The following DIAPH2 variants were observed in gnomAD, a reference collection of about 807,000 sequenced individuals.
The protein encoded by DIAPH2 is protein diaphanous homolog 2.
DIAPH2 carries 35 observed loss-of-function variants against 92.7 expected under a neutral mutation model. That is an observed-to-expected ratio of 0.38 (90% CI 0.29 to 0.50). The LOEUF (loss-of-function observed/expected upper bound fraction) is 0.50, where lower values mean the gene tolerates loss of function less well. DIAPH2 is among the 20% of genes least tolerant of loss of function. The pLI, the probability that DIAPH2 is intolerant of heterozygous loss-of-function variation, is 0.94. For synonymous variants in DIAPH2, 301 were observed against 280.4 expected, an observed-to-expected ratio of 1.07 and a Z score of -0.73; for missense variants, 701 against 819.5, an observed-to-expected ratio of 0.86 and a Z score of 1.77.
At chrX:97,075,446 G>A (rs1219980625) in intron 19 of DIAPH2, among the ~76,000 whole-genome samples, 185 bp downstream of exon 19, 3 of 111,504 alleles carry the variant, frequency 2.7e-5, no homozygotes, top group Non-Finnish European at 5.7e-5. Context: ...GAAAATCTAG[G>A]TTCTAATTCT....
chrX:96,853,981 A>G (rs2065020948), intron 4 of DIAPH2, among the ~76,000 whole-genome samples: 1 of 111,636 alleles, frequency 9.0e-6, no homozygotes, highest in African/African-American at 3.2e-5. Context: ...TTTGAAATGG[A>G]AAATTGTGCT....
chrX:97,561,389 C>G (rs774764308), intron 26 of DIAPH2, among the ~76,000 whole-genome samples: 9 of 112,451 alleles, frequency 8.0e-5, no homozygotes, highest in African/African-American at 2.9e-4. Context: ...TACTGACAAA[C>G]AGGTGACTGC....
chrX:97,167,941 C>T (rs2067423686), intron 22 of DIAPH2, among the ~76,000 whole-genome samples: 1 of 111,293 alleles, frequency 9.0e-6, no homozygotes, highest in East Asian at 2.8e-4. Flanking sequence ...AAAATTCTTT[C>T]AATTAGTTAT....
chrX:96,739,654 T>A (rs1482136181), intron 3 of DIAPH2, among the ~76,000 whole-genome samples: 1 of 112,073 alleles, frequency 8.9e-6, no homozygotes, highest in Non-Finnish European at 1.9e-5. Context: ...AATAAATATT[T>A]GTTGGTAGCT....
At chrX:96,878,943 A>G (rs1025264567) in intron 4 of DIAPH2, among the ~76,000 whole-genome samples, 6 of 111,789 alleles carry the variant, frequency 5.4e-5, no homozygotes, top group Admixed American at 9.5e-5. Flanking sequence ...AATCTTCAGC[A>G]TGTTGAAACT....
chrX:96,866,479 A>G (rs1010682858), intron 4 of DIAPH2, among the ~76,000 whole-genome samples: 3 of 111,837 alleles, frequency 2.7e-5, no homozygotes, highest in African/African-American at 9.8e-5. Flanking sequence ...GCATTAACCT[A>G]CTGAGCTCCA....
At chrX:97,447,290 A>G (rs930000766) in intron 26 of DIAPH2, among the ~76,000 whole-genome samples, 3 of 110,012 alleles carry the variant, frequency 2.7e-5, no homozygotes, top group African/African-American at 9.9e-5. Context: ...TGAGTGTCCT[A>G]CTTCAGAAAT....
intron 26 of DIAPH2, among the ~76,000 whole-genome samples, chrX:97,477,026 T>TAC (rs1216092681): frequency 6.5e-5 from 4 of 61,439 alleles, no homozygotes; most frequent in African/African-American, 2.6e-4. Context: ...CACACACACA[T>TAC]ACACACACAC....
At chrX:97,406,639 A>C (rs995168611) in intron 25 of DIAPH2, among the ~76,000 whole-genome samples, 2 of 111,850 alleles carry the variant, frequency 1.8e-5, no homozygotes, top group Non-Finnish European at 3.8e-5. Flanking sequence ...GATGGGGATA[A>C]ATTTCCCCTA....
At chrX:96,911,939 T>G (rs2065471007) in intron 5 of DIAPH2, among the ~76,000 whole-genome samples, 1 of 111,798 alleles carries the variant, frequency 8.9e-6, no homozygotes, top group Non-Finnish European at 1.9e-5. Flanking sequence ...CAAATAATTA[T>G]GCCAGTATTT....
At chrX:97,550,540 C>T (rs1462224945) in intron 26 of DIAPH2, among the ~76,000 whole-genome samples, 3 of 110,869 alleles carry the variant, frequency 2.7e-5, no homozygotes, top group Admixed American at 9.6e-5. Flanking sequence ...GCCTCATGAC[C>T]ATCTCCCACT....
chrX:96,766,305 T>C (rs1456757060), intron 4 of DIAPH2, among the ~76,000 whole-genome samples: 2 of 110,166 alleles, frequency 1.8e-5, no homozygotes. Flanking sequence ...CAATGTAAAC[T>C]ATTTCATACC....
intron 11 of DIAPH2, among the ~76,000 whole-genome samples, chrX:96,937,642 A>G (rs1039942541): frequency 1.8e-5 from 2 of 111,796 alleles, no homozygotes; most frequent in Admixed American, 9.5e-5. Context: ...TATATCTTAC[A>G]TGTAAGGATT....
chrX:96,757,070 A>C (rs1473015667), intron 3 of DIAPH2, among the ~76,000 whole-genome samples: 1 of 108,227 alleles, frequency 9.2e-6, no homozygotes, highest in Non-Finnish European at 1.9e-5. Flanking sequence ...GGCACCCGCC[A>C]CCACGCCTGG....
chrX:97,132,532 C>T (rs2067144648), intron 21 of DIAPH2, among the ~76,000 whole-genome samples: 1 of 111,781 alleles, frequency 8.9e-6, no homozygotes, highest in African/African-American at 3.3e-5. Context: ...TTGTAAACAA[C>T]CCTTGGCAGA....
chrX:97,144,228 G>A (rs1488269003), intron 22 of DIAPH2, among the ~76,000 whole-genome samples: 1 of 110,946 alleles, frequency 9.0e-6, no homozygotes, highest in Non-Finnish European at 1.9e-5. Context: ...ACTTGCAGGG[G>A]CTGAGGCAAG....
At chrX:97,579,149 T>C (rs1169161370) in intron 26 of DIAPH2, among the ~76,000 whole-genome samples, 1 of 110,624 alleles carries the variant, frequency 9.0e-6, no homozygotes, top group East Asian at 2.8e-4. Context: ...GTAGTTTCTT[T>C]TGCTGTGCAG....
chrX:97,218,538 T>G (rs1376014601), intron 22 of DIAPH2, among the ~76,000 whole-genome samples: 1 of 111,013 alleles, frequency 9.0e-6, no homozygotes, highest in Non-Finnish European at 1.9e-5. Flanking sequence ...TTTATTCAAC[T>G]GATTTTTATT....
rs1351433015 is a variant in DIAPH2 at position 96,916,452 on chromosome X, G to A, written c.747G>A (p.Arg249=). 40 of 1,146,450 alleles carry A rather than the reference G, an allele frequency of 3.5e-5. No individual in the cohort carries two copies. The highest frequency in any genetic ancestry group is 4.3e-5 in the Non-Finnish European group (37 of 857,699). The allele number at this position is 1,146,450 out of a possible 1,213,427, so 94.5% of individuals were successfully genotyped here. The change falls in exon 8 of 27, where the codon AGG becomes AGA. Residue 249 remains arginine, a synonymous_variant. Transcript: ENST00000324765. ...AFMNNKFGLQ[R]ILGDERSLLL... ...TTTTTTTTTAGTTTGGATTACAAAG[G>A]ATTCTAGGAGATGAAAGAAGTCTTT...
Sources: allele counts gnomAD v4.1 joint callset (sites outside exome capture counted in the v4.1 genomes callset), GRCh38; gene constraint gnomAD v4.1.1; transcripts MANE v1.5; gene names NCBI Gene and HGNC (gene_info 2026-07-23, HGNC 2026-07-21).